ERBB4: variants seen among roughly 807,000 people sequenced by gnomAD.
ERBB4 encodes receptor tyrosine-protein kinase erbB-4.
A neutral mutation model predicts 158.0 loss-of-function variants in ERBB4; 42 were observed. The ratio of observed to expected loss-of-function variants is 0.27; its 90% confidence interval spans 0.21 to 0.34. ERBB4 has a LOEUF of 0.34. Ranked by LOEUF, ERBB4 falls within the 10% of genes least tolerant of loss-of-function variation. The probability of loss-of-function intolerance (pLI) is 1.00; values close to 1 mark genes in which losing one functional copy is unlikely to be tolerated. For missense variants in ERBB4, 1,333 were observed against 1,624.1 expected (o/e 0.82, Z 3.08); for synonymous variants, 583 against 558.7 (o/e 1.04, Z -0.61).
intron 14 of ERBB4, among the ~76,000 whole-genome samples, chr2:211,669,177 C>T (rs2071737213): frequency 7.7e-6 from 1 of 129,916 alleles, no homozygotes; most frequent in South Asian, 2.4e-4. Flanking sequence ...GAGCTGAGAT[C>T]ACGCCACTGC....
chr2:212,163,751 C>T (rs1018841975), intron 1 of ERBB4, among the ~76,000 whole-genome samples: 3 of 151,878 alleles, frequency 2.0e-5, no homozygotes. Context: ...AGTATTAATG[C>T]CATATTTTTA....
chr2:212,532,639 A>T (rs1692818733), intron 1 of ERBB4, among the ~76,000 whole-genome samples: 1 of 152,246 alleles, frequency 6.6e-6, no homozygotes, highest in Non-Finnish European at 1.5e-5. Flanking sequence ...CTAATCCCAG[A>T]TCACATAACA....
At chr2:212,311,247 CT>C (rs769540492) in intron 1 of ERBB4, among the ~76,000 whole-genome samples, 8 of 150,276 alleles carry the variant, frequency 5.3e-5, no homozygotes, top group Non-Finnish European at 8.9e-5. Context: ...TGCCGGAATA[CT>C]ACTGGCAGAA....
chr2:211,917,068 C>G (rs528189055), intron 3 of ERBB4, among the ~76,000 whole-genome samples: 1 of 152,064 alleles, frequency 6.6e-6, no homozygotes, highest in African/African-American at 2.4e-5. Context: ...GTGGCCACGG[C>G]TGATGTGAGG....
At chr2:211,741,450 T>TGTAC (rs1491448107) in intron 5 of ERBB4, among the ~76,000 whole-genome samples, 2 of 62,790 alleles carry the variant, frequency 3.2e-5, no homozygotes, top group East Asian at 8.0e-4. Flanking sequence ...TATATGTAGT[T>TGTAC]ATACACACAC....
At chr2:211,868,618 T>A (rs1365290655) in intron 3 of ERBB4, among the ~76,000 whole-genome samples, 1 of 152,194 alleles carries the variant, frequency 6.6e-6, no homozygotes, top group Admixed American at 6.5e-5. Flanking sequence ...ATTCTATGTG[T>A]CCTCTAGCTC....
chr2:212,167,344 A>C (rs142593503), intron 1 of ERBB4, among the ~76,000 whole-genome samples: 279 of 151,982 alleles, frequency 1.8e-3, no homozygotes, highest in African/African-American at 6.6e-3. Flanking sequence ...AAAAAAGCTC[A>C]ACATCACTGA....
intron 20 of ERBB4, among the ~76,000 whole-genome samples, chr2:211,464,235 A>G (rs564903487): frequency 1.3e-5 from 2 of 152,290 alleles, no homozygotes; most frequent in African/African-American, 4.8e-5. Flanking sequence ...GTTCACTTCT[A>G]TAAGCCCAGC....
At chr2:212,001,871 T>G (rs961378220) in intron 2 of ERBB4, among the ~76,000 whole-genome samples, 14 of 152,166 alleles carry the variant, frequency 9.2e-5, no homozygotes, top group Non-Finnish European at 1.2e-4. Context: ...AGAAAGAAAT[T>G]TGCACGTATA....
intron 2 of ERBB4, among the ~76,000 whole-genome samples, chr2:211,983,411 T>A (rs768786205): frequency 1.3e-5 from 2 of 152,094 alleles, no homozygotes; most frequent in Non-Finnish European, 2.9e-5. Flanking sequence ...GCAGATTTGG[T>A]GAGAAGCAAA....
At chr2:211,770,253 A>G (rs554859139) in intron 4 of ERBB4, among the ~76,000 whole-genome samples, 5 of 152,356 alleles carry the variant, frequency 3.3e-5, no homozygotes, top group East Asian at 3.9e-4. Flanking sequence ...ACATTTTAAA[A>G]TTCAAAAGTA....
chr2:212,070,229 T>C (rs935284387), intron 2 of ERBB4, among the ~76,000 whole-genome samples: 9 of 151,992 alleles, frequency 5.9e-5, no homozygotes, highest in African/African-American at 2.2e-4. Flanking sequence ...AAAGATATCT[T>C]ATTTTCCCAA....
At chr2:211,811,822 G>A (rs1286696616) in intron 3 of ERBB4, among the ~76,000 whole-genome samples, 1 of 151,902 alleles carries the variant, frequency 6.6e-6, no homozygotes, top group African/African-American at 2.4e-5. Flanking sequence ...ATTGAAGCTT[G>A]TGCATGCGTC....
intron 25 of ERBB4, among the ~76,000 whole-genome samples, chr2:211,414,048 A>T (rs190142859): frequency 6.4e-4 from 98 of 152,178 alleles, no homozygotes; most frequent in African/African-American, 2.3e-3. Flanking sequence ...AGGCTTCCTT[A>T]TCTGCACAAA....
chr2:212,264,518 T>A (rs1262247563), intron 1 of ERBB4, among the ~76,000 whole-genome samples: 1 of 152,106 alleles, frequency 6.6e-6, no homozygotes, highest in Non-Finnish European at 1.5e-5. Context: ...TCTGTGTACC[T>A]AGCAAACTTC....
At chr2:211,536,886 C>A (rs2066669424) in intron 20 of ERBB4, among the ~76,000 whole-genome samples, 1 of 151,764 alleles carries the variant, frequency 6.6e-6, no homozygotes, top group Non-Finnish European at 1.5e-5. Context: ...CTCTCCAAAT[C>A]TTAAATCTTT....
intron 19 of ERBB4, among the ~76,000 whole-genome samples, chr2:211,568,805 T>A (rs1460503742): frequency 6.6e-6 from 1 of 152,100 alleles, no homozygotes; most frequent in Non-Finnish European, 1.5e-5. Flanking sequence ...AGAGTGCTAG[T>A]GATGAAGAAC....
In ERBB4 at chr2:211,515,914, T is replaced by TA. The variant is rs1559248895; in HGVS notation, c.2487+45988_2487+45989insT. Among the ~76,000 whole-genome samples the TA allele has an allele frequency of 5.3e-3, 266 of 50,658 alleles. 1 individual carries two copies. Among genetic ancestry groups the TA allele is most frequent in the East Asian group, 0.025 (42 of 1,648 alleles). The allele number at this position is 50,658 out of a possible 152,430, so 33.2% of individuals were successfully genotyped here. On this transcript the variant is annotated intron_variant, in intron 20 of 27. Coordinates refer to ENST00000342788, the MANE Select transcript of ERBB4 (RefSeq NM_005235.3). ...ACATATATTATATATATATATATAT[T>TA]TTTTTTTTTTTTTTTTTTGAGGCGG...
At chr2:211,418,560 A>G (rs1029750566) in intron 25 of ERBB4, among the ~76,000 whole-genome samples, 6 of 152,170 alleles carry the variant, frequency 3.9e-5, no homozygotes, top group African/African-American at 1.4e-4. Flanking sequence ...TAGCTAGCTC[A>G]AACCTTTATT....
Sources: allele counts gnomAD v4.1 joint callset (sites outside exome capture counted in the v4.1 genomes callset), GRCh38; gene constraint gnomAD v4.1.1; transcripts MANE v1.5; gene names NCBI Gene and HGNC (gene_info 2026-07-23, HGNC 2026-07-21).